Variants in KCNK13 observed in about 807,000 individuals in gnomAD.
KCNK13 encodes the protein potassium two pore domain channel subfamily K member 13, also known as potassium channel subfamily K member 13.
A neutral mutation model predicts 23.4 loss-of-function variants in KCNK13; 12 were observed. The observed-to-expected ratio is 0.51, with a 90% CI of 0.33 to 0.83. The LOEUF is 0.83. Among genes scored for constraint, KCNK13 ranks in the 40% least tolerant of loss-of-function variants. The pLI, the probability that KCNK13 is intolerant of heterozygous loss-of-function variation, is 0.02. For missense variants in KCNK13, 463 were observed against 556.3 expected, an observed-to-expected ratio of 0.83 and a Z score of 1.69; for synonymous variants, 231 against 229.5, an observed-to-expected ratio of 1.01 and a Z score of -0.06.
chr14:90,142,313 CTTTT>C (rs59863610), intron 1 of KCNK13, among the ~76,000 whole-genome samples: 96 of 85,234 alleles, frequency 1.1e-3, no homozygotes, highest in African/African-American at 3.9e-3. Flanking sequence ...CTGTCCAATT[CTTTT>C]TTTTTTTTTT....
At chr14:90,150,721 A>G (rs1434653795) in intron 1 of KCNK13, among the ~76,000 whole-genome samples, 1 of 152,192 alleles carries the variant, frequency 6.6e-6, no homozygotes, top group Non-Finnish European at 1.5e-5. Flanking sequence ...GTCAAATTAT[A>G]ATCCCCAGTG....
At chr14:90,182,189 G>A (rs935767966) in intron 1 of KCNK13, among the ~76,000 whole-genome samples, 1 of 152,172 alleles carries the variant, frequency 6.6e-6, no homozygotes, top group African/African-American at 2.4e-5. Context: ...ACTACATGCT[G>A]TTAATTTCTT....
intron 1 of KCNK13, among the ~76,000 whole-genome samples, chr14:90,177,693 A>G (rs1890438576): frequency 6.6e-6 from 1 of 152,140 alleles, no homozygotes; most frequent in Non-Finnish European, 1.5e-5. Flanking sequence ...AACTCTTGGT[A>G]TGAAGGGAGC....
intron 1 of KCNK13, among the ~76,000 whole-genome samples, chr14:90,138,482 A>G (rs1889964381): frequency 6.6e-6 from 1 of 152,254 alleles, no homozygotes; most frequent in Non-Finnish European, 1.5e-5. Context: ...CACCTGTCAC[A>G]CAGTTAGGAC....
chr14:90,114,045 A>G (rs1309757663), intron 1 of KCNK13, among the ~76,000 whole-genome samples: 1 of 152,238 alleles, frequency 6.6e-6, no homozygotes, highest in African/African-American at 2.4e-5. Flanking sequence ...TATTCCCTTA[A>G]GTATGGTGGG....
chr14:90,093,570 C>G (rs760438955), intron 1 of KCNK13, among the ~76,000 whole-genome samples: 2 of 152,088 alleles, frequency 1.3e-5, no homozygotes, highest in Non-Finnish European at 2.9e-5. Flanking sequence ...CTGGTCCTCC[C>G]CAGCGTGCCC....
At chr14:90,093,801 T>C (rs1889376769) in intron 1 of KCNK13, among the ~76,000 whole-genome samples, 1 of 152,228 alleles carries the variant, frequency 6.6e-6, no homozygotes, top group African/African-American at 2.4e-5. Context: ...TGGAGATTTA[T>C]GTCAAATCCT....
chr14:90,067,005 T>G (rs1889017308), intron 1 of KCNK13, among the ~76,000 whole-genome samples: 2 of 152,202 alleles, frequency 1.3e-5, no homozygotes, highest in Non-Finnish European at 2.9e-5. Flanking sequence ...GCACGGTGGC[T>G]CATGCCTGTA....
chr14:90,174,078 G>T (rs558041622), intron 1 of KCNK13, among the ~76,000 whole-genome samples: 1 of 152,132 alleles, frequency 6.6e-6, no homozygotes, highest in Admixed American at 6.5e-5. Context: ...AGGCCGAGGC[G>T]GGCGGATCAT....
At chr14:90,182,052 G>A (rs2140449877) in intron 1 of KCNK13, among the ~76,000 whole-genome samples, 1 of 152,234 alleles carries the variant, frequency 6.6e-6, no homozygotes, top group Non-Finnish European at 1.5e-5. Context: ...TAGCATGAAG[G>A]GCCCTAAGTA....
intron 1 of KCNK13, among the ~76,000 whole-genome samples, chr14:90,139,728 G>A (rs1381836253): frequency 1.3e-5 from 2 of 152,238 alleles, no homozygotes; most frequent in East Asian, 1.9e-4. Context: ...TTGGGAGGCC[G>A]AGGCAGGTGG....
At chr14:90,080,615 A>G (rs1339582492) in intron 1 of KCNK13, among the ~76,000 whole-genome samples, 1 of 152,194 alleles carries the variant, frequency 6.6e-6, no homozygotes, top group Non-Finnish European at 1.5e-5. Flanking sequence ...ACTTGCTTTT[A>G]TATTTGCAGC....
rs537796594 is a variant in KCNK13 at position 90,123,561 on chromosome 14, T to C, written c.335-60550T>C. Among the ~76,000 whole-genome samples, 144 of 152,276 alleles carry C rather than the reference T, an allele frequency of 9.5e-4. 1 individual carries two copies. The highest frequency in any genetic ancestry group is 3.3e-3 in the African/African-American group (138 of 41,552). On this transcript the variant is annotated intron_variant, in intron 1 of 1. Coordinates refer to ENST00000282146, the MANE Select transcript of KCNK13 (RefSeq NM_022054.4). The stretch of plus-strand genomic sequence containing the variant: ...ACACAGAAATTTGGGGTGGACACAA[T>C]TTAGTCCATAACAGAAGGCAATAGA...
chr14:90,087,137 TATATATATATATATATA>T (rs1889287295), intron 1 of KCNK13, among the ~76,000 whole-genome samples: 6 of 113,126 alleles, frequency 5.3e-5, no homozygotes, highest in African/African-American at 1.7e-4. Context: ...TACATATATA[TATATATATATATATATA>T]TTTTTTTTTT....
chr14:90,102,690 T>C (rs970455229), intron 1 of KCNK13, among the ~76,000 whole-genome samples: 3 of 152,224 alleles, frequency 2.0e-5, no homozygotes, highest in Admixed American at 6.5e-5. Flanking sequence ...CTGTCTCAGA[T>C]GTTAACACTG....
At chr14:90,130,767 T>G (rs1889859188) in intron 1 of KCNK13, among the ~76,000 whole-genome samples, 1 of 152,020 alleles carries the variant, frequency 6.6e-6, no homozygotes, top group Admixed American at 6.5e-5. Flanking sequence ...TGAGCCGAGA[T>G]CGCACCACTG....
chr14:90,127,555 G>A (rs1889816017), intron 1 of KCNK13, among the ~76,000 whole-genome samples: 2 of 147,614 alleles, frequency 1.4e-5, no homozygotes, highest in South Asian at 2.1e-4. Context: ...GCTCATGCCT[G>A]TAATACCCAC....
chr14:90,134,912 C>G (rs1458020694), intron 1 of KCNK13, among the ~76,000 whole-genome samples: 1 of 152,180 alleles, frequency 6.6e-6, no homozygotes, highest in Non-Finnish European at 1.5e-5. Context: ...AAACACTTTC[C>G]TAGATGATAA....
chr14:90,105,069 C>T (rs1302366675), intron 1 of KCNK13, among the ~76,000 whole-genome samples: 1 of 152,062 alleles, frequency 6.6e-6, no homozygotes, highest in Non-Finnish European at 1.5e-5. Context: ...GGATTACAGG[C>T]ATGAGCCACC....
Sources: gnomAD v4.1 joint callset for allele counts (sites outside exome capture counted in the v4.1 genomes callset) on GRCh38, gnomAD v4.1.1 for gene constraint, MANE v1.5 for transcripts, NCBI Gene and HGNC (gene_info 2026-07-23, HGNC 2026-07-21) for gene names.